DISC1: variants seen among roughly 807,000 people sequenced by gnomAD.
The protein encoded by DISC1 is disrupted in schizophrenia 1 protein.
A neutral mutation model predicts 84.5 loss-of-function variants in DISC1; 57 were observed. That is an observed-to-expected ratio of 0.67 (90% CI 0.55 to 0.84). The LOEUF (loss-of-function observed/expected upper bound fraction) is 0.84, where lower values mean the gene tolerates loss of function less well. DISC1 is among the 40% of genes least tolerant of loss of function. The probability of loss-of-function intolerance (pLI) is 0.00; values close to 1 mark genes in which losing one functional copy is unlikely to be tolerated. For missense variants in DISC1, 1,000 were observed against 1,057.8 expected (o/e 0.95, Z 0.76); for synonymous variants, 411 against 415.2 (o/e 0.99, Z 0.12).
intron 3 of DISC1, among the ~76,000 whole-genome samples, chr1:231,744,540 C>CT (rs932292577): frequency 2.6e-4 from 39 of 148,218 alleles, no homozygotes; most frequent in Non-Finnish European, 3.0e-4. Context: ...ATGGAATCAA[C>CT]TTTTTTTTTT....
At chr1:231,937,252 A>G (rs904117021) in intron 9 of DISC1, among the ~76,000 whole-genome samples, 5 of 152,204 alleles carry the variant, frequency 3.3e-5, no homozygotes, top group Admixed American at 1.3e-4. Flanking sequence ...TTAAGCCAAT[A>G]ATTTTATACC....
intron 9 of DISC1, among the ~76,000 whole-genome samples, chr1:231,833,155 A>T (rs1364374720): frequency 6.6e-6 from 1 of 150,586 alleles, no homozygotes; most frequent in African/African-American, 2.5e-5. Context: ...AGGGAAGCAG[A>T]TAATTTAGTT....
intron 9 of DISC1, among the ~76,000 whole-genome samples, chr1:231,871,901 C>G (rs1231855975): frequency 1.3e-5 from 2 of 152,186 alleles, no homozygotes; most frequent in African/African-American, 4.8e-5. Context: ...TCTCACCTGT[C>G]ATAATTCAAA....
At chr1:231,685,820 T>C (rs1409608986) in intron 1 of DISC1, among the ~76,000 whole-genome samples, 1 of 152,238 alleles carries the variant, frequency 6.6e-6, no homozygotes, top group Non-Finnish European at 1.5e-5. Context: ...AATTCCCATC[T>C]GCCCATGAGC....
chr1:231,910,480 C>T (rs1035858997), intron 9 of DISC1, among the ~76,000 whole-genome samples: 48 of 152,074 alleles, frequency 3.2e-4, no homozygotes, highest in African/African-American at 7.2e-4. Context: ...TGTAGTTGAG[C>T]GGTTTTGAGT....
intron 1 of DISC1, among the ~76,000 whole-genome samples, chr1:231,644,556 C>T (rs1253247245): frequency 6.6e-6 from 1 of 152,166 alleles, no homozygotes; most frequent in Admixed American, 6.5e-5. Flanking sequence ...GTTGGAACAT[C>T]AGCAACCCTG....
intron 9 of DISC1, among the ~76,000 whole-genome samples, chr1:231,847,941 C>T (rs2083581236): frequency 6.6e-6 from 1 of 152,086 alleles, no homozygotes; most frequent in Non-Finnish European, 1.5e-5. Context: ...TGAATAAAAC[C>T]AGAAGAGTTA....
intron 9 of DISC1, among the ~76,000 whole-genome samples, chr1:231,941,931 T>G (rs955746271): frequency 6.6e-6 from 1 of 151,968 alleles, no homozygotes; most frequent in Non-Finnish European, 1.5e-5. Context: ...CGGGAACATT[T>G]AAGACAAGGC....
chr1:231,968,812 A>G (rs1174659395), intron 10 of DISC1, among the ~76,000 whole-genome samples: 1 of 152,098 alleles, frequency 6.6e-6, no homozygotes, highest in African/African-American at 2.4e-5. Flanking sequence ...TTCAAGTACC[A>G]GCTCTGGAAT....
At chr1:231,878,737 C>T (rs1574377459) in intron 9 of DISC1, among the ~76,000 whole-genome samples, 3 of 152,250 alleles carry the variant, frequency 2.0e-5, no homozygotes, top group Non-Finnish European at 2.9e-5. Context: ...ACCAAATCAA[C>T]AAGCAGAACA....
chr1:231,883,850 G>T (rs1357672908), intron 9 of DISC1, among the ~76,000 whole-genome samples: 1 of 152,172 alleles, frequency 6.6e-6, no homozygotes, highest in Non-Finnish European at 1.5e-5. Context: ...CACCTTGCTT[G>T]TGAATTCTAG....
At chr1:231,651,580 A>G (rs944984620) in intron 1 of DISC1, among the ~76,000 whole-genome samples, 1 of 152,194 alleles carries the variant, frequency 6.6e-6, no homozygotes, top group African/African-American at 2.4e-5. Context: ...CTGTTCTCAT[A>G]GCTCAAACAC....
chr1:231,978,070 G>T (rs1663064079), intron 10 of DISC1, among the ~76,000 whole-genome samples: 1 of 151,810 alleles, frequency 6.6e-6, no homozygotes, highest in Non-Finnish European at 1.5e-5. Context: ...TCATTCACAT[G>T]TGGTTTTTTT....
At chr1:231,770,159 G>A (rs1015821923) in intron 5 of DISC1, among the ~76,000 whole-genome samples, 3 of 152,146 alleles carry the variant, frequency 2.0e-5, no homozygotes, top group East Asian at 1.9e-4. Context: ...GCAGTGAGAC[G>A]ATGATCTACT....
At chr1:231,846,809 T>A (rs1407511826) in intron 9 of DISC1, among the ~76,000 whole-genome samples, 1 of 152,164 alleles carries the variant, frequency 6.6e-6, no homozygotes, top group African/African-American at 2.4e-5. Flanking sequence ...GAAACTCAGG[T>A]ATTTGCCTGT....
chr1:232,007,997 G>A (rs1667669913), intron 10 of DISC1, among the ~76,000 whole-genome samples: 1 of 152,144 alleles, frequency 6.6e-6, no homozygotes, highest in African/African-American at 2.4e-5. Context: ...CTGCCACCAT[G>A]TGAAGAAGGT....
In DISC1 at chr1:231,694,531, A is replaced by G; in HGVS notation, c.773A>G (p.Asp258Gly). ...KAASLDGPHE[D>G]PRCLSRPFSL... ...GCCAGCTTGGACGGGCCTCACGAGG[A>G]CCCGCGATGTCTCTCTCGGCCCTTC... Residue 258 changes from aspartate (D) to glycine (G), a missense_variant, in exon 2 of 13, where the codon GAC becomes GGC. Physicochemically the swap from Asp to Gly is moderately conservative, Grantham distance 94. Around this residue, in one of 3 missense-constraint regions of DISC1, gnomAD observed 311 missense variants for 400.1 expected, o/e 0.78. Coordinates refer to ENST00000439617, the MANE Select transcript of DISC1 (RefSeq NM_018662.3). 1 of 1,614,180 alleles carries G rather than the reference A, an allele frequency of 6.2e-7. No individual in the cohort carries two copies. The highest frequency in any genetic ancestry group is 8.5e-7 in the Non-Finnish European group (1 of 1,180,020).
chr1:232,039,799 G>A lies in DISC1; in HGVS notation c.*2968G>A, dbSNP rs1479020374. The A allele has an allele frequency of 6.6e-6, 1 of 152,068 alleles. No individual in the cohort carries two copies. The highest frequency in any genetic ancestry group is 1.5e-5 in the Non-Finnish European group (1 of 68,034). 9.4% of individuals were successfully genotyped at this position (152,068 alleles called of 1,614,324 possible). On this transcript the variant is annotated 3_prime_UTR_variant, in exon 13 of 13. Coordinates refer to ENST00000439617, the MANE Select transcript of DISC1 (RefSeq NM_018662.3). ...ATGTTGGCGATAGCCAAGACCACAA[G>A]CAAAAGCACATACTGGAAATGATGA...
Position 231,733,475 on chromosome 1 carries a change from G to C in DISC1, c.1118-16451G>C, listed in dbSNP as rs569427229. Among the ~76,000 whole-genome samples the C allele has an allele frequency of 3.0e-3, 448 of 150,666 alleles. 4 individuals carry two copies. Among genetic ancestry groups the C allele is most frequent in the African/African-American group, 0.01 (430 of 41,086 alleles). Reference sequence around the variant, plus strand: ...ATTGTAGAAGTGGTGGTGATGGTAGGAGTGGTAGTGGCTGTGGCAGTGCTG... The same window carrying C: ...ATTGTAGAAGTGGTGGTGATGGTAGCAGTGGTAGTGGCTGTGGCAGTGCTG... On this transcript the variant is annotated intron_variant, in intron 3 of 12. Coordinates refer to ENST00000439617, the MANE Select transcript of DISC1 (RefSeq NM_018662.3).
Sources: allele counts gnomAD v4.1 joint callset (sites outside exome capture counted in the v4.1 genomes callset), GRCh38; gene constraint gnomAD v4.1.1; regional missense constraint gnomAD v4.1.1; transcripts MANE v1.5; gene names NCBI Gene and HGNC (gene_info 2026-07-23, HGNC 2026-07-21).